EPHA6: variants seen among roughly 807,000 people sequenced by gnomAD.
EPHA6 encodes the protein ephrin type-A receptor 6.
Under a neutral mutation model 112.0 loss-of-function variants are expected in EPHA6, and 50 were observed. That is an observed-to-expected ratio of 0.45 (90% CI 0.36 to 0.56). The LOEUF (loss-of-function observed/expected upper bound fraction) is 0.56, where lower values mean the gene tolerates loss of function less well. EPHA6 is among the 20% of genes least tolerant of loss of function. The probability of loss-of-function intolerance (pLI) is 0.00; values close to 1 mark genes in which losing one functional copy is unlikely to be tolerated. For synonymous variants in EPHA6, 529 were observed against 490.7 expected, an observed-to-expected ratio of 1.08 and a Z score of -1.03; for missense variants, 1,280 against 1,417.4, an observed-to-expected ratio of 0.90 and a Z score of 1.56.
intron 5 of EPHA6, among the ~76,000 whole-genome samples, chr3:97,326,138 G>A (rs1300690678): frequency 1.3e-5 from 2 of 151,786 alleles, no homozygotes; most frequent in East Asian, 3.9e-4. Flanking sequence ...ACTATATTAA[G>A]AATAATTTGT....
intron 11 of EPHA6, among the ~76,000 whole-genome samples, chr3:97,535,930 G>C (rs565474932): frequency 6.6e-6 from 1 of 151,728 alleles, no homozygotes; most frequent in African/African-American, 2.4e-5. Flanking sequence ...TTCATATTTG[G>C]GCATTATTTT....
chr3:97,478,177 T>C (rs574674047), intron 8 of EPHA6, among the ~76,000 whole-genome samples: 1 of 152,266 alleles, frequency 6.6e-6, no homozygotes, highest in South Asian at 2.1e-4. Flanking sequence ...CAAAATTGGA[T>C]ACAGTTATAT....
At chr3:97,080,122 T>C (rs955773948) in intron 3 of EPHA6, among the ~76,000 whole-genome samples, 1 of 152,128 alleles carries the variant, frequency 6.6e-6, no homozygotes, top group Non-Finnish European at 1.5e-5. Context: ...AATTTACCAA[T>C]GCTTCTTATA....
intron 5 of EPHA6, among the ~76,000 whole-genome samples, chr3:97,364,206 G>A (rs1033981859): frequency 2.6e-4 from 40 of 151,884 alleles, no homozygotes; most frequent in African/African-American, 8.9e-4. Context: ...TGAATTAGTG[G>A]GAAATTTTTG....
At chr3:96,851,424 C>A (rs564703039) in intron 1 of EPHA6, among the ~76,000 whole-genome samples, 4 of 152,098 alleles carry the variant, frequency 2.6e-5, no homozygotes, top group African/African-American at 7.2e-5. Context: ...TAATTTTTTA[C>A]GCCAAGGCTA....
At chr3:96,870,292 G>A (rs1016464376) in intron 2 of EPHA6, among the ~76,000 whole-genome samples, 1 of 152,004 alleles carries the variant, frequency 6.6e-6, no homozygotes, top group African/African-American at 2.4e-5. Context: ...CGGGGAGTGG[G>A]TACTGACATC....
intron 14 of EPHA6, among the ~76,000 whole-genome samples, chr3:97,675,398 T>C (rs534854339): frequency 6.6e-6 from 1 of 152,248 alleles, no homozygotes; most frequent in South Asian, 2.1e-4. Flanking sequence ...GAGAATCACT[T>C]GAGCCTGGGA....
At chr3:97,413,698 GCA>G (rs2087900120) in intron 6 of EPHA6, among the ~76,000 whole-genome samples, 1 of 151,864 alleles carries the variant, frequency 6.6e-6, no homozygotes, top group Non-Finnish European at 1.5e-5. Context: ...TTTCCCTTTG[GCA>G]CGGTGAGTTT....
chr3:96,820,759 G>T (rs1358233926), intron 1 of EPHA6, among the ~76,000 whole-genome samples: 1 of 151,942 alleles, frequency 6.6e-6, no homozygotes, highest in Non-Finnish European at 1.5e-5. Flanking sequence ...ATCAACAAAT[G>T]CAATTTGATT....
At position 97,622,554 on chromosome 3, in the gene EPHA6, G is replaced by A. The variant is rs973797358; in HGVS notation, c.2574+11700G>A. The stretch of plus-strand genomic sequence containing the variant: ...GCTATTGCGAAGAATGCTACTGTGA[G>A]AATAGATGCACTTTGACACCCTACT... On this transcript the variant is annotated intron_variant, in intron 13 of 17. Transcript: ENST00000389672. Among the ~76,000 whole-genome samples, 4 of 151,782 alleles carry A rather than the reference G, an allele frequency of 2.6e-5. 1 individual carries two copies. Among genetic ancestry groups the A allele is most frequent in the Admixed American group, 2.0e-4 (3 of 15,184 alleles).
chr3:97,708,844 G>T (rs921854719), intron 14 of EPHA6, among the ~76,000 whole-genome samples: 1 of 152,242 alleles, frequency 6.6e-6, no homozygotes, highest in East Asian at 1.9e-4. Context: ...GCTTCAGAGG[G>T]TGCAAGCGTC....
intron 3 of EPHA6, among the ~76,000 whole-genome samples, chr3:97,002,145 A>C (rs1348897318): frequency 6.6e-6 from 1 of 151,728 alleles, no homozygotes; most frequent in Admixed American, 6.6e-5. Context: ...CTTTATGTTT[A>C]CAATTAAATA....
chr3:97,458,016 C>T (rs1025853052), intron 7 of EPHA6, among the ~76,000 whole-genome samples: 1 of 126,002 alleles, frequency 7.9e-6, no homozygotes, highest in Non-Finnish European at 1.6e-5. Flanking sequence ...TGCAGTGAGC[C>T]GAGATCGCGC....
At chr3:97,360,178 T>A (rs991398267) in intron 5 of EPHA6, among the ~76,000 whole-genome samples, 2 of 152,174 alleles carry the variant, frequency 1.3e-5, no homozygotes, top group Non-Finnish European at 2.9e-5. Flanking sequence ...AGTGCACAGC[T>A]GCCTGCCACA....
At chr3:96,892,751 T>C (rs1326766127) in intron 2 of EPHA6, among the ~76,000 whole-genome samples, 2 of 152,274 alleles carry the variant, frequency 1.3e-5, no homozygotes, top group Non-Finnish European at 2.9e-5. Flanking sequence ...CATTCTCTCA[T>C]GGGATGAGAT....
chr3:97,328,208 G>A (rs2082580295), intron 5 of EPHA6, among the ~76,000 whole-genome samples: 1 of 151,460 alleles, frequency 6.6e-6, no homozygotes, highest in African/African-American at 2.4e-5. Context: ...ATTTCTCTGG[G>A]ATAAATGCTC....
intron 6 of EPHA6, chr3:97,439,640 G>C: frequency 1.0e-6 from 1 of 1,003,174 alleles, no homozygotes; most frequent in African/African-American, 1.7e-5. Flanking sequence ...CAGAAAGGCA[G>C]AAACCAGGAA....
At chr3:97,747,645 A>G (rs1319734312) in intron 17 of EPHA6, 73 bp downstream of exon 17, 1 of 1,340,220 alleles carries the variant, frequency 7.5e-7, no homozygotes, top group Non-Finnish European at 9.8e-7. Flanking sequence ...CTGTATCAAG[A>G]ACACCTTTCC....
At chr3:97,507,834 C>T (rs190345680) in intron 10 of EPHA6, among the ~76,000 whole-genome samples, 1 of 152,018 alleles carries the variant, frequency 6.6e-6, no homozygotes. Context: ...GCCTGAATTT[C>T]AGAACTTGTT....
Sources: allele counts gnomAD v4.1 joint callset (sites outside exome capture counted in the v4.1 genomes callset), GRCh38; gene constraint gnomAD v4.1.1; transcripts MANE v1.5; gene names NCBI Gene and HGNC (gene_info 2026-07-23, HGNC 2026-07-21).